The following NLRP1 variants were observed in gnomAD, a reference collection of about 807,000 sequenced individuals.
NLRP1 encodes the protein NLR family pyrin domain containing 1.
A neutral mutation model predicts 136.7 loss-of-function variants in NLRP1; 94 were observed. That is an observed-to-expected ratio of 0.69 (90% CI 0.58 to 0.82). The LOEUF (loss-of-function observed/expected upper bound fraction) is 0.82. Ranked by LOEUF, NLRP1 falls within the 40% of genes least tolerant of loss-of-function variation. The pLI is 0.00. For missense variants in NLRP1, 1,575 were observed against 1,802.7 expected (o/e 0.87, Z 2.29); for synonymous variants, 690 against 725.1 (o/e 0.95, Z 0.78).
At chr17:5,548,579 C>G (rs1404079178) in intron 5 of NLRP1, among the ~76,000 whole-genome samples, 1 of 152,228 alleles carries the variant, frequency 6.6e-6, no homozygotes, top group Non-Finnish European at 1.5e-5. Context: ...TTTTCACTAT[C>G]AAAGTCTTTG....
chr17:5,517,363 C>CCCCCACA (rs1908287888), intron 15 of NLRP1, among the ~76,000 whole-genome samples: 5 of 87,818 alleles, frequency 5.7e-5, no homozygotes, highest in African/African-American at 2.2e-4. Context: ...CCCCCCCCTC[C>CCCCCACA]CACATACACA....
chr17:5,515,140 C>A (rs531625922), intron 16 of NLRP1, 67 bp from the exon 17 acceptor site: 4 of 1,380,698 alleles, frequency 2.9e-6, no homozygotes, highest in Non-Finnish European at 3.0e-6. Flanking sequence ...CAGTGCTTTC[C>A]TCTCTCATCT....
chr17:5,569,775 A>G (rs1429608450), intron 3 of NLRP1, among the ~76,000 whole-genome samples: 1 of 152,222 alleles, frequency 6.6e-6, no homozygotes, highest in Non-Finnish European at 1.5e-5. Flanking sequence ...TGGGCCTAAG[A>G]GACATCTACA....
In NLRP1 at chr17:5,532,750, G is replaced by A. The variant is rs191601835; in HGVS notation, c.3296+72C>T. On this transcript the variant is annotated intron_variant, in intron 11 of 16. Coordinates refer to ENST00000572272, the MANE Select transcript of NLRP1 (RefSeq NM_033004.4). ...TTGGGGGTAGGGGGTGGCGCTGACT[G>A]TCTGTGGGGACCCAGGATGGGCAGT... is the stretch of plus-strand genomic sequence containing the variant. The A allele has an allele frequency of 8.3e-4, 1,157 of 1,401,750 alleles. 5 individuals carry two copies. The highest frequency in any genetic ancestry group is 9.8e-4 in the Non-Finnish European group (1,024 of 1,042,530). 86.8% of individuals were successfully genotyped at this position (1,401,750 alleles called of 1,614,324 possible).
In NLRP1 at chr17:5,559,827, C is replaced by T. The variant is rs771464318; in HGVS notation, c.869G>A (p.Arg290Lys). 6 of 1,614,226 alleles carry T rather than the reference C, an allele frequency of 3.7e-6. No homozygotes were observed. Among genetic ancestry groups the T allele is most frequent in the Admixed American group, 1.7e-5 (1 of 60,028 alleles). The change falls in exon 4 of 17, where the codon AGA becomes AAA. Residue 290 changes from arginine to lysine, a missense_variant. Transcript: ENST00000572272. ...QLLLLQRPHPRSQDPLVKRSW... is the reference protein window; with the variant it reads ...QLLLLQRPHPKSQDPLVKRSW... Reference sequence around the variant, plus strand: ...TCTCTTGACCAGGGGATCTTGGCTTCTGGGGTGAGGTCTTTGTAGAAGTAG... The same window carrying T: ...TCTCTTGACCAGGGGATCTTGGCTTTTGGGGTGAGGTCTTTGTAGAAGTAG...
At chr17:5,572,917 A>AT (rs1904568620) in intron 3 of NLRP1, among the ~76,000 whole-genome samples, 1 of 152,152 alleles carries the variant, frequency 6.6e-6, no homozygotes, top group Non-Finnish European at 1.5e-5. Flanking sequence ...TGATTTCTGT[A>AT]TTTCCAACTG....
intron 5 of NLRP1, among the ~76,000 whole-genome samples, chr17:5,550,837 GCTT>G (rs1165268931): frequency 6.6e-6 from 1 of 152,116 alleles, no homozygotes; most frequent in East Asian, 1.9e-4. Flanking sequence ...AGATTTCTCT[GCTT>G]CTTCTTTTTC....
At chr17:5,533,236 C>T in intron 10 of NLRP1, 68 bp downstream of exon 10, 1 of 1,549,182 alleles carries the variant, frequency 6.5e-7, no homozygotes, top group East Asian at 2.4e-5. Flanking sequence ...CCCCAGCATG[C>T]CCAGGTGGGC....
In NLRP1 at chr17:5,533,221, A is replaced by G. The variant is rs1031779746; in HGVS notation, c.3133+83T>C. ...CCTTCCCCACTGGAATAGAAGTGCC[A>G]CTCTCCCCAGCATGCCCAGGTGGGC... On this transcript the variant is annotated intron_variant, in intron 10 of 16. Coordinates refer to ENST00000572272, the MANE Select transcript of NLRP1 (RefSeq NM_033004.4). 3.2e-6 allele frequency: 5 copies of G among 1,542,756 alleles called. No individual in the cohort carries two copies. The Admixed American group carries it at 9.9e-5, about 31-fold the overall frequency.
intron 2 of NLRP1, 72 bp downstream of exon 2, chr17:5,582,598 T>A: frequency 3.5e-6 from 5 of 1,444,774 alleles, no homozygotes; most frequent in Non-Finnish European, 2.9e-6. Context: ...ACAGACATGA[T>A]CCTCTGGGTG....
rs1446393670 is a variant in NLRP1, at chr17:5,556,162, ATG to A, written c.2357+2175_2357+2176del. Among the ~76,000 whole-genome samples the A allele has an allele frequency of 2.7e-5, 3 of 109,506 alleles. No individual in the cohort carries two copies. In the East Asian group the frequency reaches 7.1e-4, roughly 26 times the overall value. The allele number at this position is 109,506 out of a possible 152,430, so 71.8% of individuals were successfully genotyped here. ...CACACACACACACACACACACACAC[ATG>A]AAGGGCTGGGCATGGTGGCTCACAT... On this transcript the variant is annotated intron_variant, in intron 4 of 16. Transcript: ENST00000572272.
At position 5,558,839 on chromosome 17, in the gene NLRP1, G is replaced by A; in HGVS notation, c.1857C>T (p.Tyr619=). ...ILQEHPIPLS[Y]SFIHLCFQEF... ...CTTGGAAACAGAGGTGAATGAAGCT[G>A]TAGCTCAGAGGGATGGGGTGCTCTT... Residue 619 remains tyrosine (Y), a synonymous_variant, in exon 4 of 17, where the codon TAC becomes TAT. Transcript: ENST00000572272. 1 of 1,614,212 alleles carries A rather than the reference G, an allele frequency of 6.2e-7. No homozygotes were observed. The highest frequency in any genetic ancestry group is 8.5e-7 in the Non-Finnish European group (1 of 1,180,034).
At chr17:5,534,113 G>A (rs1203432134) in intron 8 of NLRP1, 125 bp from the exon 9 acceptor site, 25 of 761,790 alleles carry the variant, frequency 3.3e-5, no homozygotes, top group South Asian at 5.7e-5. Context: ...TGTAATCCTC[G>A]CACTTTGGGA....
At chr17:5,550,687 T>A (rs924999309) in intron 5 of NLRP1, among the ~76,000 whole-genome samples, 1 of 152,140 alleles carries the variant, frequency 6.6e-6, no homozygotes, top group South Asian at 2.1e-4. Context: ...CTCTGTTTCA[T>A]TTATCTCTAC....
At chr17:5,531,144 GTCTATCTA>G (rs59760618) in intron 11 of NLRP1, among the ~76,000 whole-genome samples, 116 of 136,384 alleles carry the variant, frequency 8.5e-4, no homozygotes, top group Non-Finnish European at 1.4e-3. Flanking sequence ...TGTCTTGTCT[GTCTATCTA>G]TCTATCTATC....
chr17:5,533,326 G>C lies in NLRP1; in HGVS notation c.3111C>G (p.Ile1037Met). The change falls in exon 10 of 17, where the codon ATC becomes ATG. Residue 1037 changes from isoleucine (I) to methionine (M), a missense_variant. Ile to Met is a conservative substitution (Grantham distance 10, BLOSUM62 1). Coordinates refer to ENST00000572272, the MANE Select transcript of NLRP1 (RefSeq NM_033004.4). ...ANLKLLDVSK[I>M]FPIAEIAEES... ...TGCCTGCAATCTCAGCAATTGGGAA[G>C]ATCTTGCTCACGTCCAGGAGTTTGA... 2 of 1,520,902 alleles carry C rather than the reference G, an allele frequency of 1.3e-6. No homozygotes were observed. Among genetic ancestry groups the C allele is most frequent in the Non-Finnish European group, 1.8e-6 (2 of 1,118,842 alleles). 94.2% of individuals were successfully genotyped at this position (1,520,902 alleles called of 1,614,324 possible).
intron 12 of NLRP1, among the ~76,000 whole-genome samples, chr17:5,522,077 G>A (rs1464081258): frequency 1.3e-5 from 2 of 152,142 alleles, no homozygotes; most frequent in Non-Finnish European, 2.9e-5. Flanking sequence ...CGCCTGCCTC[G>A]GCCTCCCAAA....
downstream of NLRP1, chr17:5,512,072 T>C (rs1405633199): frequency 2.8e-6 from 2 of 715,136 alleles, no homozygotes; most frequent in Non-Finnish European, 5.2e-6. Context: ...ATTTTTGTTT[T>C]GGGTTTTTGT....
At chr17:5,562,184 G>A (rs758118197) in intron 3 of NLRP1, among the ~76,000 whole-genome samples, 8 of 152,222 alleles carry the variant, frequency 5.3e-5, no homozygotes, top group Non-Finnish European at 1.0e-4. Context: ...CTGTGGGTGG[G>A]TGCCATCCCC....
Sources: allele counts gnomAD v4.1 joint callset (sites outside exome capture counted in the v4.1 genomes callset), GRCh38; gene constraint gnomAD v4.1.1; transcripts MANE v1.5; gene names NCBI Gene and HGNC (gene_info 2026-07-23, HGNC 2026-07-21).